ZNF436: variants seen among roughly 807,000 people sequenced by gnomAD.
ZNF436 encodes DNA-binding protein.
Under a neutral mutation model 41.9 loss-of-function variants are expected in ZNF436, and 22 were observed. The ratio of observed to expected loss-of-function variants is 0.53; its 90% CI spans 0.38 to 0.75. ZNF436 has a LOEUF of 0.75. Ranked by LOEUF, ZNF436 falls within the 30% of genes least tolerant of loss-of-function variation. ZNF436 has a pLI of 0.00. For synonymous variants in ZNF436, 217 were observed against 197.8 expected (o/e 1.10, Z -0.82); for missense variants, 506 against 587.3 (o/e 0.86, Z 1.43).
chr1:23,365,441 TG>T (rs1638337727), intron 3 of ZNF436, among the ~76,000 whole-genome samples: 1 of 149,062 alleles, frequency 6.7e-6, no homozygotes, highest in Non-Finnish European at 1.5e-5. Flanking sequence ...AAGCTGAGCA[TG>T]GTGCCTGACA....
In ZNF436 at chr1:23,360,999, C is replaced by A. The variant is rs1421713865; in HGVS notation, c.*970G>T. 1 of 152,434 alleles carries A rather than the reference C, an allele frequency of 6.6e-6. No homozygotes were observed. The highest frequency in any genetic ancestry group is 1.5e-5 in the Non-Finnish European group (1 of 68,030). 9.4% of individuals were successfully genotyped at this position (152,434 alleles called of 1,614,324 possible). A position where few individuals can be genotyped will look rare whatever the true frequency, so the allele number is the denominator to read the frequency against. ...GCTAAGATAAACACTGGGATGTGGC[C>A]CTTATCAAATCTTAGAGTTAGCAGG... On this transcript the variant is annotated 3_prime_UTR_variant, in exon 4 of 4. Transcript: ENST00000314011.
At chr1:23,363,257 C>T (rs1638289754) in intron 3 of ZNF436, 36 bp from the exon 4 acceptor site, 5 of 1,548,786 alleles carry the variant, frequency 3.2e-6, no homozygotes, top group Non-Finnish European at 4.4e-6. Context: ...CTAGTAAGTA[C>T]AAAAATTACC....
chr1:23,367,084 G>A lies in ZNF436; in HGVS notation c.118C>T (p.Arg40Trp), dbSNP rs1221739604. The change falls in exon 3 of 4, where the codon CGG (arginine) becomes TGG (tryptophan). Residue 40 changes from arginine to tryptophan, a missense_variant. Arg to Trp is a moderately radical substitution (Grantham distance 101). Around this residue, in one of 2 missense-constraint regions of ZNF436, gnomAD observed 228 missense variants for 215.1 expected, o/e 1.06. Coordinates refer to ENST00000314011, the MANE Select transcript of ZNF436 (RefSeq NM_001077195.2). ...PLDAAQRDLYRDVMQENYGNV... is the reference protein window; with the variant it reads ...PLDAAQRDLYWDVMQENYGNV... ...CCATAATTCTCCTGCATAACATCCC[G>A]GTAAAGGTCCCTCTGTGCAGCGTCC... is the stretch of plus-strand genomic sequence containing the variant. 4 of 1,613,836 alleles carry A rather than the reference G, an allele frequency of 2.5e-6. No homozygotes were observed. The highest frequency in any genetic ancestry group is 1.3e-5 in the African/African-American group (1 of 74,992).
Position 23,369,754 on chromosome 1 carries a change from G to C in ZNF436, c.-449C>G. On this transcript the variant is annotated 5_prime_UTR_variant, in exon 1 of 4. Transcript: ENST00000314011. ...TTCCCCAGCCAGGATGAGGGAATTA[G>C]ACAATGGAAGTCGAGCACTGGGGAA... is the stretch of plus-strand genomic sequence containing the variant. 1 of 367,906 alleles carries C rather than the reference G, an allele frequency of 2.7e-6. No individual in the cohort carries two copies. The highest frequency in any genetic ancestry group is 2.1e-5 in the South Asian group (1 of 46,808). The allele number at this position is 367,906 out of a possible 1,614,324, so 22.8% of individuals were successfully genotyped here.
intron 1 of ZNF436, 58 bp from the exon 2 acceptor site, chr1:23,368,123 A>T: frequency 8.4e-7 from 1 of 1,191,266 alleles, no homozygotes; most frequent in Non-Finnish European, 1.2e-6. Flanking sequence ...CCCACTCCCC[A>T]GGGCTGGAGT....
chr1:23,366,996 C>A lies in ZNF436; in HGVS notation c.160+46G>T, dbSNP rs780447165. 6 of 1,584,150 alleles carry A rather than the reference C, an allele frequency of 3.8e-6. No individual in the cohort carries two copies. The South Asian group carries it at 6.9e-5, about 18-fold the overall frequency. ...TTGAAAGAACTAAGTCATTTTGACA[C>A]GATCTCAAAAACGTGGAGGCAAAGA... is the stretch of plus-strand genomic sequence containing the variant. On this transcript the variant is annotated intron_variant, in intron 3 of 3. Coordinates refer to ENST00000314011, the MANE Select transcript of ZNF436 (RefSeq NM_001077195.2).
At chr1:23,368,088 C>A in intron 1 of ZNF436, 23 bp from the exon 2 acceptor site, 4 of 1,526,288 alleles carry the variant, frequency 2.6e-6, no homozygotes, top group South Asian at 1.1e-5. Flanking sequence ...AAAAGCAGGG[C>A]GTGAGGCACG....
At position 23,362,853 on chromosome 1, in the gene ZNF436, G is replaced by A. The variant is rs1434893402; in HGVS notation, c.529C>T (p.Arg177Cys). The change falls in exon 4 of 4, where the codon CGC (arginine) becomes TGC (cysteine). Residue 177 changes from arginine to cysteine, a missense_variant. Arg to Cys is a radical substitution (Grantham distance 180, BLOSUM62 -3). Transcript: ENST00000314011. ...KCYECGKGFS[R>C]SSHLIQHQRT... is the part of the protein sequence containing the mutation. The stretch of plus-strand genomic sequence containing the variant: ...TGATGCTGAATAAGGTGTGAGCTGC[G>A]ACTGAAGCCTTTTCCACATTCATAA... 5 of 1,614,084 alleles carry A rather than the reference G, an allele frequency of 3.1e-6. No homozygotes were observed. The African/African-American group carries it at 4.0e-5, about 13-fold the overall frequency.
At chr1:23,366,129 G>T (rs988515288) in intron 3 of ZNF436, among the ~76,000 whole-genome samples, 9 of 152,158 alleles carry the variant, frequency 5.9e-5, no homozygotes, top group African/African-American at 1.9e-4. Flanking sequence ...GACTGCAATA[G>T]ATCTGGATAG....
Position 23,361,210 on chromosome 1 carries a change from C to T in ZNF436, c.*759G>A, listed in dbSNP as rs991086456. 1.3e-5 allele frequency: 2 copies of T among 152,524 alleles called. No homozygotes were observed. Among genetic ancestry groups the T allele is most frequent in the Non-Finnish European group, 2.9e-5 (2 of 68,014 alleles). The allele number at this position is 152,524 out of a possible 1,614,324, so 9.4% of individuals were successfully genotyped here. ...CTATACAATATTCCCTATAGTGATC[C>T]CCAAAGAAAATTCATAAATCTGATT... is the stretch of plus-strand genomic sequence containing the variant. On this transcript the variant is annotated 3_prime_UTR_variant, in exon 4 of 4. Transcript: ENST00000314011.
chr1:23,367,069 C>T lies in ZNF436; in HGVS notation c.133G>A (p.Glu45Lys). 6.2e-7 allele frequency: 1 copy of T among 1,613,832 alleles called. No individual in the cohort carries two copies. ...AGTGAGACAACATTTCCATAATTCT[C>T]CTGCATAACATCCCGGTAAAGGTCC... ...QRDLYRDVMQ[E>K]NYGNVVSLDF... Residue 45 changes from glutamate to lysine, a missense_variant, in exon 3 of 4, where the codon GAG becomes AAG. Physicochemically the swap from Glu to Lys is moderately conservative, Grantham distance 56. Coordinates refer to ENST00000314011, the MANE Select transcript of ZNF436 (RefSeq NM_001077195.2).
Position 23,367,157 on chromosome 1 carries a change from C to A in ZNF436, c.45G>T (p.Thr15=), listed in dbSNP as rs771264735. The A allele has an allele frequency of 1.2e-6, 2 of 1,610,290 alleles. No homozygotes were observed. The highest frequency in any genetic ancestry group is 1.7e-6 in the Non-Finnish European group (2 of 1,178,346). Residue 15 remains threonine (T), a synonymous_variant, in exon 3 of 4, where the codon ACG becomes ACT. Coordinates refer to ENST00000314011, the MANE Select transcript of ZNF436 (RefSeq NM_001077195.2). Reference sequence around the variant, plus strand: ...TGAGATACATGGCCATATCTTCAAACGTCACAGGTGCCTGAAATCACACGA... The same window carrying A: ...TGAGATACATGGCCATATCTTCAAAAGTCACAGGTGCCTGAAATCACACGA... ...LLMAGSQAPV[T]FEDMAMYLTR...
chr1:23,361,793 T>G lies in ZNF436; in HGVS notation c.*176A>C, dbSNP rs1255174114. The G allele has an allele frequency of 1.6e-6, 1 of 612,984 alleles. No individual in the cohort carries two copies. The highest frequency in any genetic ancestry group is 3.5e-5 in the Admixed American group (1 of 28,822). 38.0% of individuals were successfully genotyped at this position (612,984 alleles called of 1,614,324 possible). ...ATAAAAATCACCATTTTGGAGGAGATAACATTCCCAAAGCTGAGGGTCAGA... is the reference window on the plus strand; with the variant it reads ...ATAAAAATCACCATTTTGGAGGAGAGAACATTCCCAAAGCTGAGGGTCAGA... On this transcript the variant is annotated 3_prime_UTR_variant, in exon 4 of 4. Coordinates refer to ENST00000314011, the MANE Select transcript of ZNF436 (RefSeq NM_001077195.2).
At chr1:23,366,103 G>C (rs976649878) in intron 3 of ZNF436, among the ~76,000 whole-genome samples, 3 of 152,050 alleles carry the variant, frequency 2.0e-5, no homozygotes, top group African/African-American at 7.2e-5. Context: ...GGATTCAGTG[G>C]AATATTTGGG....
rs867558767 is a variant in ZNF436, at chr1:23,362,585, G to A, written c.797C>T (p.Ala266Val). Residue 266 changes from alanine to valine, a missense_variant, in exon 4 of 4, where the codon GCT becomes GTT. By Grantham distance (64) the Ala-to-Val change is moderately conservative. This residue lies in a region of ZNF436 where 278 missense variants were observed against 372.1 expected (regional missense o/e 0.75). Transcript: ENST00000314011. ...GKSFSRSSHL[A>V]QHQRTHTGEK... ...ACCCGTGTGGGTCCTCTGGTGCTGA[G>A]CTAGGTGAGAGCTCCGGCTGAAGCT... The A allele has an allele frequency of 6.2e-7, 1 of 1,609,236 alleles. No individual in the cohort carries two copies. The highest frequency in any genetic ancestry group is 8.5e-7 in the Non-Finnish European group (1 of 1,178,470).
chr1:23,367,509 T>A (rs1386391457), intron 2 of ZNF436, among the ~76,000 whole-genome samples: 2 of 152,174 alleles, frequency 1.3e-5, no homozygotes, highest in Non-Finnish European at 2.9e-5. Context: ...TACTACTCTT[T>A]AAGGTCCCGC....
At chr1:23,368,108 C>T (rs1230768600) in intron 1 of ZNF436, 43 bp from the exon 2 acceptor site, 9 of 1,334,200 alleles carry the variant, frequency 6.7e-6, no homozygotes, top group East Asian at 2.4e-5. Flanking sequence ...GGAAAACAGG[C>T]CCTGCCCACT....
intron 3 of ZNF436, among the ~76,000 whole-genome samples, chr1:23,364,896 T>C (rs1638324646): frequency 6.6e-6 from 1 of 152,170 alleles, no homozygotes; most frequent in African/African-American, 2.4e-5. Flanking sequence ...GTACATACAA[T>C]ATCATTTCCT....
At chr1:23,367,639 T>C (rs1638391011) in intron 2 of ZNF436, among the ~76,000 whole-genome samples, 1 of 152,188 alleles carries the variant, frequency 6.6e-6, no homozygotes, top group African/African-American at 2.4e-5. Context: ...CTACAGCACT[T>C]TGTTCCTACA....
Sources: gnomAD v4.1 joint callset for allele counts (sites outside exome capture counted in the v4.1 genomes callset) on GRCh38, gnomAD v4.1.1 for gene constraint, gnomAD v4.1.1 regional missense constraint, MANE v1.5 for transcripts, NCBI Gene and HGNC (gene_info 2026-07-23, HGNC 2026-07-21) for gene names.